The following DOCK11 variants were observed in gnomAD, a reference collection of about 807,000 sequenced individuals.
DOCK11 encodes the protein dedicator of cytokinesis protein 11.
Under a neutral mutation model 169.1 loss-of-function variants are expected in DOCK11, and 70 were observed. The ratio of observed to expected loss-of-function variants is 0.41; its 90% CI spans 0.34 to 0.51. The LOEUF is 0.51. Among genes scored for constraint, DOCK11 ranks in the 20% least tolerant of loss-of-function variants. The probability of loss-of-function intolerance (pLI) is 0.10; values close to 1 mark genes in which losing one functional copy is unlikely to be tolerated. For missense variants in DOCK11, 1,166 were observed against 1,538.8 expected (o/e 0.76, Z 4.05); for synonymous variants, 529 against 541.3 (o/e 0.98, Z 0.32).
intron 11 of DOCK11, among the ~76,000 whole-genome samples, chrX:118,572,861 T>C (rs1182989187): frequency 8.9e-6 from 1 of 111,845 alleles, no homozygotes; most frequent in Non-Finnish European, 1.9e-5. Context: ...AAGAGGAGCA[T>C]GTCTCCCAAA....
chrX:118,648,039 T>G (rs1198857181), intron 40 of DOCK11, among the ~76,000 whole-genome samples: 1 of 54,239 alleles, frequency 1.8e-5, no homozygotes, highest in Non-Finnish European at 3.1e-5. Flanking sequence ...TATTATATAA[T>G]AATATAATAT....
At chrX:118,533,612 G>A (rs776939991) in intron 1 of DOCK11, among the ~76,000 whole-genome samples, 121 of 112,139 alleles carry the variant, frequency 1.1e-3, no homozygotes, top group Non-Finnish European at 2.0e-3. Flanking sequence ...TTATGCTACT[G>A]TGTTCAAATG....
At chrX:118,536,983 G>A (rs1473370525) in intron 1 of DOCK11, among the ~76,000 whole-genome samples, 1 of 111,611 alleles carries the variant, frequency 9.0e-6, no homozygotes, top group Non-Finnish European at 1.9e-5. Flanking sequence ...ATGACTAGGG[G>A]ATCTGGAGAA....
chrX:118,610,693 A>G (rs1421767677), intron 28 of DOCK11, among the ~76,000 whole-genome samples: 3 of 110,815 alleles, frequency 2.7e-5, no homozygotes, highest in Non-Finnish European at 5.7e-5. Context: ...TATTTGAGAA[A>G]CCTCCATAGA....
intron 28 of DOCK11, among the ~76,000 whole-genome samples, chrX:118,611,967 A>T (rs2014695259): frequency 9.0e-6 from 1 of 110,589 alleles, no homozygotes; most frequent in Non-Finnish European, 1.9e-5. Context: ...CTGGTCTTGA[A>T]CTCCTGACTT....
chrX:118,574,102 T>A (rs1448627819), intron 12 of DOCK11, 84 bp downstream of exon 12: 3 of 956,317 alleles, frequency 3.1e-6, no homozygotes, highest in Non-Finnish European at 4.3e-6. Flanking sequence ...TTCAGGCCAA[T>A]GTTTTCATGG....
intron 12 of DOCK11, 114 bp downstream of exon 12, chrX:118,574,132 T>G: frequency 3.7e-6 from 3 of 802,430 alleles, no homozygotes; most frequent in Non-Finnish European, 5.2e-6. Flanking sequence ...TCTTGTAAGG[T>G]CTGTCGATAG....
rs1233340568 is a variant in DOCK11, at chrX:118,648,155, A to AT, written c.4399-790_4399-789insT. 4.6e-3 allele frequency among the ~76,000 whole-genome samples: 279 copies of AT among 60,116 alleles called. 1 individual carries two copies. The highest frequency in any genetic ancestry group is 0.023 in the African/African-American group (257 of 11,290). 52.2% of individuals were successfully genotyped at this position (60,116 alleles called of 115,157 possible). A position where few individuals can be genotyped will look rare whatever the true frequency, so the allele number is the denominator to read the frequency against. On this transcript the variant is annotated intron_variant, in intron 40 of 52. Coordinates refer to ENST00000276202, the MANE Select transcript of DOCK11 (RefSeq NM_144658.4). ...TAATATAATATATAAATTAATATAT[A>AT]ATAATATAATATATAATATAATAGT... is the stretch of plus-strand genomic sequence containing the variant.
rs775974355 is a variant in DOCK11, at chrX:118,614,689, T to C, written c.3097-3T>C. 8.6e-7 allele frequency: 1 copy of C among 1,160,475 alleles called. No individual in the cohort carries two copies. Among genetic ancestry groups the C allele is most frequent in the Non-Finnish European group, 1.2e-6 (1 of 854,009 alleles). On this transcript the variant is annotated splice_region_variant and splice_polypyrimidine_tract_variant and intron_variant, in intron 28 of 52. Coordinates refer to ENST00000276202, the MANE Select transcript of DOCK11 (RefSeq NM_144658.4). ...ACCCTTAGTTTTGTTTTGGTTTCTA[T>C]AGCGCTGTTTGACACTAATGGATAG...
chrX:118,572,132 C>T (rs2013295705), intron 10 of DOCK11, among the ~76,000 whole-genome samples, 191 bp from the exon 11 acceptor site: 1 of 112,074 alleles, frequency 8.9e-6, no homozygotes, highest in South Asian at 3.7e-4. Flanking sequence ...TCATCTCCCT[C>T]TAGGATTTCT....
At chrX:118,601,792 T>C (rs2014345894) in intron 23 of DOCK11, among the ~76,000 whole-genome samples, 2 of 111,407 alleles carry the variant, frequency 1.8e-5, no homozygotes, top group African/African-American at 3.3e-5. Flanking sequence ...TTCTTTCTTT[T>C]TTTGAGACAG....
At chrX:118,680,729 T>G (rs747220372) in intron 49 of DOCK11, 37 bp downstream of exon 49, 37 of 1,088,317 alleles carry the variant, frequency 3.4e-5, no homozygotes, top group Middle Eastern at 2.5e-4. Context: ...CTTATTTGTC[T>G]TGGTCTTTTT....
intron 1 of DOCK11, among the ~76,000 whole-genome samples, chrX:118,540,776 C>G (rs2011962203): frequency 8.9e-6 from 1 of 111,834 alleles, no homozygotes; most frequent in Admixed American, 9.5e-5. Flanking sequence ...TGTAGTGATA[C>G]TAGAGACTAC....
intron 21 of DOCK11, 142 bp downstream of exon 21, chrX:118,597,694 A>G: frequency 1.5e-6 from 1 of 649,880 alleles, no homozygotes; most frequent in Non-Finnish European, 2.2e-6. Context: ...ATAAACATGG[A>G]ATGTGCATGT....
intron 46 of DOCK11, 123 bp downstream of exon 46, chrX:118,671,268 C>T: frequency 1.7e-6 from 1 of 599,915 alleles, no homozygotes; most frequent in Non-Finnish European, 2.4e-6. Flanking sequence ...AGGTTCATTA[C>T]ATTATGACTT....
intron 6 of DOCK11, among the ~76,000 whole-genome samples, chrX:118,548,552 C>T (rs1438063685): frequency 1.8e-5 from 2 of 111,188 alleles, no homozygotes; most frequent in Middle Eastern, 4.2e-3. Flanking sequence ...TAAGGATAGT[C>T]AGGGAAAGAG....
rs146922528 is a variant in DOCK11, at chrX:118,542,612, T to A, written c.103-113T>A. 4.6e-4 allele frequency: 259 copies of A among 563,840 alleles called. 1 individual carries two copies. In the African/African-American group the frequency reaches 5.7e-3, roughly 12 times the overall value. The allele number at this position is 563,840 out of a possible 1,213,427, so 46.5% of individuals were successfully genotyped here. On this transcript the variant is annotated intron_variant, in intron 1 of 52. Coordinates refer to ENST00000276202, the MANE Select transcript of DOCK11 (RefSeq NM_144658.4). ...TTGTGAAACTGTCTCAATTAAGTAC[T>A]TAAAAGTATCAGTAATCCCTTCCTT...
Position 118,572,049 on chromosome X carries a change from T to G in DOCK11, c.1036-274T>G, listed in dbSNP as rs1453155183. Among the ~76,000 whole-genome samples the G allele has an allele frequency of 3.6e-5, 4 of 112,123 alleles. No homozygotes were observed. In the East Asian group the frequency reaches 1.1e-3, roughly 31 times the overall value. On this transcript the variant is annotated intron_variant, in intron 10 of 52. Transcript: ENST00000276202. Reference sequence around the variant, plus strand: ...CAGAGCAGTGAGAAGAGACAGGGAATCATGCCATGTAGGGCTTTGTAGGCC... The same window carrying G: ...CAGAGCAGTGAGAAGAGACAGGGAAGCATGCCATGTAGGGCTTTGTAGGCC...
At chrX:118,583,898 G>A (rs1315916) in intron 14 of DOCK11, among the ~76,000 whole-genome samples, 52,605 of 110,445 alleles carry the variant, frequency 0.48, 10,284 homozygotes, top group African/African-American at 0.75. Flanking sequence ...TGACAAGAAA[G>A]TCTATTTGTG....
Sources: allele counts gnomAD v4.1 joint callset (sites outside exome capture counted in the v4.1 genomes callset), GRCh38; gene constraint gnomAD v4.1.1; transcripts MANE v1.5; gene names NCBI Gene and HGNC (gene_info 2026-07-23, HGNC 2026-07-21).